The following TAC3 variants were observed in gnomAD, a reference collection of about 807,000 sequenced individuals.
TAC3 encodes the protein tachykinin-3.
TAC3 carries 9 observed loss-of-function variants against 16.5 expected under a neutral mutation model. The ratio of observed to expected loss-of-function variants is 0.55; its 90% CI spans 0.33 to 0.95. The LOEUF is 0.95. Among genes scored for constraint, TAC3 ranks in the 40% least tolerant of loss-of-function variants. The pLI is 0.03. For missense variants in TAC3, 129 were observed against 149.1 expected (o/e 0.87, Z 0.70); for synonymous variants, 52 against 56.7 (o/e 0.92, Z 0.37).
intron 6 of TAC3, among the ~76,000 whole-genome samples, chr12:57,011,329 A>G (rs895208339): frequency 6.6e-6 from 1 of 152,188 alleles, no homozygotes; most frequent in Admixed American, 6.5e-5. Context: ...GAGGCTCTCC[A>G]TGATTACGAG....
rs1565632233 is a variant in TAC3 at position 57,010,098 on chromosome 12, C to T, written c.*192G>A. On this transcript the variant is annotated 3_prime_UTR_variant, in exon 7 of 7. Transcript: ENST00000458521. ...ACTCTAGGGTATTCTACAGTCAATGCCCATTGGGGTTGGGGATATTCACTA... is the reference window on the plus strand; with the variant it reads ...ACTCTAGGGTATTCTACAGTCAATGTCCATTGGGGTTGGGGATATTCACTA... 1 of 453,928 alleles carries T rather than the reference C, an allele frequency of 2.2e-6. No individual in the cohort carries two copies. The highest frequency in any genetic ancestry group is 4.4e-6 in the Non-Finnish European group (1 of 226,756). The allele number at this position is 453,928 out of a possible 1,614,324, so 28.1% of individuals were successfully genotyped here.
intron 6 of TAC3, among the ~76,000 whole-genome samples, chr12:57,011,148 A>C (rs1956292028): frequency 6.6e-6 from 1 of 152,192 alleles, no homozygotes; most frequent in Non-Finnish European, 1.5e-5. Context: ...AGTTACAGTT[A>C]TTATAGCTCT....
chr12:57,016,340 C>A (rs1282519943), intron 1 of TAC3, 47 bp downstream of exon 1: 2 of 405,186 alleles, frequency 4.9e-6, no homozygotes, highest in African/African-American at 4.1e-5. Context: ...TGGCTCCTGT[C>A]CCCTGGTGCC....
intron 6 of TAC3, among the ~76,000 whole-genome samples, chr12:57,011,207 G>A (rs536644398): frequency 1.1e-4 from 17 of 152,268 alleles, no homozygotes; most frequent in Non-Finnish European, 2.5e-4. Context: ...TCAGTCTCTG[G>A]TCCCAGGAAT....
In TAC3 at chr12:57,016,500, G is replaced by T. The variant is rs1456324794; in HGVS notation, c.-119C>A. On this transcript the variant is annotated 5_prime_UTR_variant, in exon 1 of 7. Coordinates refer to ENST00000458521, the MANE Select transcript of TAC3 (RefSeq NM_013251.4). ...TGCTGCCGGTGCTCCTGCAAAGAGA[G>T]AAACCGAGTGGAGGGGATCTAGGAA... is the stretch of plus-strand genomic sequence containing the variant. The T allele has an allele frequency of 6.6e-6, 3 of 454,410 alleles. No individual in the cohort carries two copies. Among genetic ancestry groups the T allele is most frequent in the Non-Finnish European group, 1.3e-5 (3 of 226,796 alleles). The allele number at this position is 454,410 out of a possible 1,614,324, so 28.1% of individuals were successfully genotyped here. A position where few individuals can be genotyped will look rare whatever the true frequency, so the allele number is the denominator to read the frequency against.
chr12:57,013,130 T>C (rs1373811399), intron 4 of TAC3: 9 of 719,518 alleles, frequency 1.3e-5, no homozygotes, highest in Middle Eastern at 3.9e-4. Flanking sequence ...GAGATCCCCT[T>C]GTTTTCCAAG....
At chr12:57,012,288 A>C in intron 6 of TAC3, 90 bp downstream of exon 6, 3 of 1,225,692 alleles carry the variant, frequency 2.4e-6, no homozygotes, top group Middle Eastern at 5.4e-4. Context: ...ATGAGCTTTA[A>C]TACCTGTAGC....
At chr12:57,014,213 T>C (rs1956342512) in intron 2 of TAC3, among the ~76,000 whole-genome samples, 1 of 152,110 alleles carries the variant, frequency 6.6e-6, no homozygotes, top group African/African-American at 2.4e-5. Flanking sequence ...CACGGGCTCT[T>C]GATTGTCCCT....
At position 57,012,851 on chromosome 12, in the gene TAC3, C is replaced by G; in HGVS notation, c.263G>C (p.Gly88Ala). The G allele has an allele frequency of 6.2e-7, 1 of 1,614,178 alleles. No homozygotes were observed. Among genetic ancestry groups the G allele is most frequent in the Non-Finnish European group, 8.5e-7 (1 of 1,180,016 alleles). ...CTGGACGCTCCTCTTGCCCATAAGT[C>G]CCACAAAGAAGTCATGCATGTCACC... ...EKRDMHDFFV[G>A]LMGKRSVQPD... Residue 88 changes from glycine (G) to alanine (A), a missense_variant, in exon 5 of 7, where the codon GGA becomes GCA. Physicochemically the swap from Gly to Ala is moderately conservative, Grantham distance 60. Coordinates refer to ENST00000458521, the MANE Select transcript of TAC3 (RefSeq NM_013251.4).
At chr12:57,012,249 G>T in intron 6 of TAC3, 129 bp downstream of exon 6, 4 of 836,732 alleles carry the variant, frequency 4.8e-6, no homozygotes, top group Non-Finnish European at 7.8e-6. Flanking sequence ...AGTGTGCTGG[G>T]CATTGGCAGT....
At chr12:57,014,812 C>T (rs1405207685) in intron 2 of TAC3, among the ~76,000 whole-genome samples, 1 of 152,098 alleles carries the variant, frequency 6.6e-6, no homozygotes, top group Non-Finnish European at 1.5e-5. Flanking sequence ...GTTCAGGCAG[C>T]CACTTTTCCC....
chr12:57,014,654 A>G (rs1956348267), intron 2 of TAC3, among the ~76,000 whole-genome samples: 1 of 151,858 alleles, frequency 6.6e-6, no homozygotes, highest in Non-Finnish European at 1.5e-5. Flanking sequence ...CCTGGGCTGG[A>G]ACTTTGTGGC....
chr12:57,013,497 TC>T, intron 3 of TAC3, 80 bp downstream of exon 3: 7 of 1,592,552 alleles, frequency 4.4e-6, no homozygotes, highest in Non-Finnish European at 6.0e-6. Context: ...CCCATCTCTC[TC>T]CCATCTGAAA....
At chr12:57,012,099 G>A in intron 6 of TAC3, 1 of 471,670 alleles carries the variant, frequency 2.1e-6, no homozygotes, top group Non-Finnish European at 3.9e-6. Context: ...TTGCCCATCG[G>A]GGAAGCCCCT....
Position 57,010,018 on chromosome 12 carries a change from T to G in TAC3, c.*272A>C, listed in dbSNP as rs182721581. 78 of 420,348 alleles carry G rather than the reference T, an allele frequency of 1.9e-4. 1 individual carries two copies. In the East Asian group the frequency reaches 5.4e-3, roughly 29 times the overall value. 26.0% of individuals were successfully genotyped at this position (420,348 alleles called of 1,614,324 possible). A position where few individuals can be genotyped will look rare whatever the true frequency, so the allele number is the denominator to read the frequency against. On this transcript the variant is annotated 3_prime_UTR_variant, in exon 7 of 7. Coordinates refer to ENST00000458521, the MANE Select transcript of TAC3 (RefSeq NM_013251.4). ...CACATCATTCATATGCAAAAATCCTTTATTGTTGAGGAATAGAGAGAGACA... is the reference window on the plus strand; with the variant it reads ...CACATCATTCATATGCAAAAATCCTGTATTGTTGAGGAATAGAGAGAGACA...
Position 57,014,672 on chromosome 12 carries a change from G to A in TAC3, c.115-1001C>T, listed in dbSNP as rs1285780940. On this transcript the variant is annotated intron_variant, in intron 2 of 6. Transcript: ENST00000458521. ...GGGCTGGAACTTTGTGGCTCCAAAC[G>A]GTGTCCAGCCCATACTTGGCACTCC... is the stretch of plus-strand genomic sequence containing the variant. 2.6e-5 allele frequency among the ~76,000 whole-genome samples: 4 copies of A among 151,562 alleles called. No homozygotes were observed. In the South Asian group the frequency reaches 6.2e-4, roughly 24 times the overall value.
rs191497059 is a variant in TAC3, at chr12:57,016,036, G to A, written c.-5-234C>T. Among the ~76,000 whole-genome samples, 7 of 152,318 alleles carry A rather than the reference G, an allele frequency of 4.6e-5. No individual in the cohort carries two copies. The East Asian group carries it at 5.8e-4, about 13-fold the overall frequency. ...CCCATCAGATATCTCCCCAGGAGAT[G>A]TGCAATGCTATAGTGGTGCCAGGAG... On this transcript the variant is annotated intron_variant, in intron 1 of 6. Coordinates refer to ENST00000458521, the MANE Select transcript of TAC3 (RefSeq NM_013251.4).
Position 57,015,879 on chromosome 12 carries a change from T to G in TAC3, c.-5-77A>C, listed in dbSNP as rs971834333. ...AGCATGGGTGAAGACACAAGAGACA[T>G]TCATTACCAGCAGCTTGGCTTGACC... On this transcript the variant is annotated intron_variant, in intron 1 of 6. Coordinates refer to ENST00000458521, the MANE Select transcript of TAC3 (RefSeq NM_013251.4). 5 of 1,278,482 alleles carry G rather than the reference T, an allele frequency of 3.9e-6. No individual in the cohort carries two copies. In the African/African-American group the frequency reaches 7.4e-5, roughly 19 times the overall value. The allele number at this position is 1,278,482 out of a possible 1,614,324, so 79.2% of individuals were successfully genotyped here.
intron 1 of TAC3, among the ~76,000 whole-genome samples, 153 bp downstream of exon 1, chr12:57,016,234 C>T (rs1956372500): frequency 6.6e-6 from 1 of 152,184 alleles, no homozygotes; most frequent in Non-Finnish European, 1.5e-5. Context: ...CTCCAAACAC[C>T]AACCAGCTCT....
Sources: gnomAD v4.1 joint callset for allele counts (sites outside exome capture counted in the v4.1 genomes callset) on GRCh38, gnomAD v4.1.1 for gene constraint, MANE v1.5 for transcripts, NCBI Gene and HGNC (gene_info 2026-07-23, HGNC 2026-07-21) for gene names.